The following ANK2 variants were observed in gnomAD, a reference collection of about 807,000 sequenced individuals.
ANK2 encodes ankyrin-2.
A neutral mutation model predicts 360.5 loss-of-function variants in ANK2; 83 were observed. The observed-to-expected ratio is 0.23, with a 90% CI of 0.19 to 0.28. The LOEUF (loss-of-function observed/expected upper bound fraction) is 0.28. ANK2 is among the 10% of genes least tolerant of loss of function. ANK2 has a pLI of 1.00. For synonymous variants in ANK2, 1,740 were observed against 1,759.5 expected, an observed-to-expected ratio of 0.99 and a Z score of 0.28; for missense variants, 4,201 against 4,795.7, an observed-to-expected ratio of 0.88 and a Z score of 3.66.
intron 21 of ANK2, 49 bp from the exon 22 acceptor site, chr4:113,293,391 G>A (rs749290214): frequency 9.2e-6 from 14 of 1,524,264 alleles, no homozygotes; most frequent in Middle Eastern, 1.7e-4. Context: ...GGCTCACATC[G>A]CAGTCCTCTC....
At chr4:112,789,750 G>C in the ANK2 span, among the ~76,000 whole-genome samples, 2 of 152,096 alleles carry the variant, frequency 1.3e-5, no homozygotes, top group African/African-American at 4.8e-5. Flanking sequence ...AATGGGAGAA[G>C]GTATGCTGCT....
intron 1 of ANK2, among the ~76,000 whole-genome samples, chr4:113,050,413 A>G (rs548118579): frequency 6.6e-6 from 1 of 152,080 alleles, no homozygotes; most frequent in East Asian, 1.9e-4. Context: ...ACAGCTAAAG[A>G]TGTTATGGGG....
chr4:112,792,033 CTTTTTTTTT>C, the ANK2 span, among the ~76,000 whole-genome samples: 4 of 65,996 alleles, frequency 6.1e-5, no homozygotes, highest in East Asian at 2.2e-3. Flanking sequence ...CACATCCTTT[CTTTTTTTTT>C]TTTTTTTTTT....
At chr4:113,372,610 GC>G (rs1412604397) in intron 43 of ANK2, 2 of 1,535,642 alleles carry the variant, frequency 1.3e-6, no homozygotes, top group Non-Finnish European at 1.7e-6. Context: ...TTGTCCGCCG[GC>G]GAGTGATTAT....
At chr4:112,789,425 A>C in the ANK2 span, among the ~76,000 whole-genome samples, 26 of 152,234 alleles carry the variant, frequency 1.7e-4, no homozygotes, top group Non-Finnish European at 2.5e-4. Flanking sequence ...CATCTAAATC[A>C]GCAGGTCACA....
chr4:112,787,483 T>G, the ANK2 span, among the ~76,000 whole-genome samples: 54 of 152,222 alleles, frequency 3.5e-4, no homozygotes, highest in African/African-American at 1.2e-3. Flanking sequence ...TTCTGGTGTC[T>G]TCTTAGGGGG....
chr4:113,311,501 G>T, intron 24 of ANK2, 102 bp downstream of exon 24: 1 of 1,408,324 alleles, frequency 7.1e-7, no homozygotes, highest in African/African-American at 1.4e-5. Flanking sequence ...CATTTAATAG[G>T]TACCTTATTA....
chr4:112,831,705 C>T (rs910346560), intron 1 of ANK2, among the ~76,000 whole-genome samples: 1 of 152,160 alleles, frequency 6.6e-6, no homozygotes, highest in African/African-American at 2.4e-5. Context: ...TTTTTTCGCT[C>T]TTCACAATAA....
chr4:113,046,748 T>C (rs945522787), upstream of ANK2, among the ~76,000 whole-genome samples: 2 of 152,030 alleles, frequency 1.3e-5, no homozygotes, highest in Non-Finnish European at 2.9e-5. Context: ...CACACTAAGA[T>C]ACACAAGCAG....
chr4:113,116,024 A>G (rs940317246), intron 1 of ANK2, among the ~76,000 whole-genome samples: 2 of 152,184 alleles, frequency 1.3e-5, no homozygotes, highest in African/African-American at 4.8e-5. Flanking sequence ...CATCCTTGGC[A>G]TCCTATTAGA....
chr4:112,896,484 G>A (rs761065139), intron 1 of ANK2, among the ~76,000 whole-genome samples: 3 of 152,090 alleles, frequency 2.0e-5, no homozygotes, highest in Non-Finnish European at 2.9e-5. Context: ...AAAAAGAGAA[G>A]GGAGAAAAAA....
rs1239900939 is a variant in ANK2 at position 113,383,374 on chromosome 4, G to A, written c.*1903G>A. 1 of 152,588 alleles carries A rather than the reference G, an allele frequency of 6.6e-6. No individual in the cohort carries two copies. Among genetic ancestry groups the A allele is most frequent in the Non-Finnish European group, 1.5e-5 (1 of 68,032 alleles). 9.5% of individuals were successfully genotyped at this position (152,588 alleles called of 1,614,324 possible). A position where few individuals can be genotyped will look rare whatever the true frequency, so the allele number is the denominator to read the frequency against. On this transcript the variant is annotated 3_prime_UTR_variant, in exon 46 of 46. Coordinates refer to ENST00000357077, the MANE Select transcript of ANK2 (RefSeq NM_001148.6). Reference sequence around the variant, plus strand: ...TTCTTTGGCAGCCAAAATAAGAGAGGCCGATGGTGAAACTTTTTGAGACAC... The same window carrying A: ...TTCTTTGGCAGCCAAAATAAGAGAGACCGATGGTGAAACTTTTTGAGACAC...
intron 1 of ANK2, among the ~76,000 whole-genome samples, chr4:112,870,829 G>A (rs1301689112): frequency 7.9e-5 from 12 of 152,178 alleles, no homozygotes; most frequent in Admixed American, 7.9e-4. Context: ...TTCAGCAAAA[G>A]AGGCACTGGA....
intron 2 of ANK2, among the ~76,000 whole-genome samples, chr4:113,003,265 T>A (rs2051476460): frequency 6.6e-6 from 1 of 152,212 alleles, no homozygotes; most frequent in Admixed American, 6.5e-5. Flanking sequence ...CAAAAGAAGA[T>A]ATGAATAAAT....
intron 2 of ANK2, among the ~76,000 whole-genome samples, chr4:112,913,954 G>A (rs1302871072): frequency 6.6e-6 from 1 of 151,904 alleles, no homozygotes; most frequent in Non-Finnish European, 1.5e-5. Context: ...ATATTTTGTT[G>A]AGTAATAGTA....
chr4:112,885,624 G>A (rs1293040826), intron 1 of ANK2, among the ~76,000 whole-genome samples: 1 of 150,872 alleles, frequency 6.6e-6, no homozygotes, highest in Non-Finnish European at 1.5e-5. Context: ...GTGAAACCCC[G>A]TCTCTGCTAA....
chr4:112,937,453 G>C (rs2093843929), intron 2 of ANK2, among the ~76,000 whole-genome samples: 1 of 151,488 alleles, frequency 6.6e-6, no homozygotes, highest in Admixed American at 6.6e-5. Flanking sequence ...TCAGCCTCCT[G>C]AGTAGCTGGG....
chr4:113,184,808 A>G (rs1182610507), intron 2 of ANK2, among the ~76,000 whole-genome samples: 8 of 152,046 alleles, frequency 5.3e-5, no homozygotes, highest in South Asian at 2.1e-4. Context: ...TGCTGCACCC[A>G]TCAACCCATC....
intron 23 of ANK2, among the ~76,000 whole-genome samples, chr4:113,305,619 A>T (rs1297012595): frequency 6.6e-6 from 1 of 152,196 alleles, no homozygotes; most frequent in East Asian, 1.9e-4. Flanking sequence ...GAGTATTGAT[A>T]AGTAACTTTT....
Sources: gnomAD v4.1 joint callset for allele counts (sites outside exome capture counted in the v4.1 genomes callset) on GRCh38, gnomAD v4.1.1 for gene constraint, MANE v1.5 for transcripts, NCBI Gene and HGNC (gene_info 2026-07-23, HGNC 2026-07-21) for gene names.